Variants in RABGAP1L observed in about 807,000 individuals in gnomAD.
The protein encoded by RABGAP1L is RAB GTPase activating protein 1 like.
In RABGAP1L, 63 loss-of-function variants were observed where a neutral mutation model predicts 137.7. That is an observed-to-expected ratio of 0.46 (90% CI 0.37 to 0.56). The LOEUF is 0.56. Among genes scored for constraint, RABGAP1L ranks in the 20% least tolerant of loss-of-function variants. The pLI, the probability that RABGAP1L is intolerant of heterozygous loss-of-function variation, is 0.00. For synonymous variants in RABGAP1L, 431 were observed against 433.7 expected (o/e 0.99, Z 0.08); for missense variants, 1,095 against 1,244.0 (o/e 0.88, Z 1.80).
chr1:174,552,175 T>G (rs1666590399), intron 13 of RABGAP1L, among the ~76,000 whole-genome samples: 1 of 152,204 alleles, frequency 6.6e-6, no homozygotes, highest in African/African-American at 2.4e-5. Context: ...GATAAATGAT[T>G]TTTTAATTTA....
At chr1:174,200,793 A>T (rs546374552) in intron 1 of RABGAP1L, among the ~76,000 whole-genome samples, 1 of 152,330 alleles carries the variant, frequency 6.6e-6, no homozygotes, top group Non-Finnish European at 1.5e-5. Flanking sequence ...AATTTTAGCT[A>T]TGTTCTCTTG....
intron 13 of RABGAP1L, among the ~76,000 whole-genome samples, chr1:174,568,221 G>C (rs1207612292): frequency 2.0e-5 from 3 of 152,090 alleles, no homozygotes; most frequent in African/African-American, 7.2e-5. Flanking sequence ...TGTGAACCTA[G>C]ATGAGTGAGA....
At chr1:174,350,236 C>T (rs1480594443) in intron 11 of RABGAP1L, among the ~76,000 whole-genome samples, 31 of 129,696 alleles carry the variant, frequency 2.4e-4, no homozygotes, top group African/African-American at 8.1e-4. Context: ...CGGGCGGAGA[C>T]GCTCCTCACT....
intron 19 of RABGAP1L, chr1:174,938,609 G>T (rs1042086846): frequency 6.6e-6 from 1 of 152,160 alleles, no homozygotes; most frequent in Non-Finnish European, 1.5e-5. Flanking sequence ...TTTTCCTTGC[G>T]CTAGTTATAT....
chr1:174,759,721 A>T (rs1010147045), intron 18 of RABGAP1L, among the ~76,000 whole-genome samples: 3 of 152,200 alleles, frequency 2.0e-5, no homozygotes, highest in Non-Finnish European at 4.4e-5. Flanking sequence ...GGCAGAAAGC[A>T]AGGGGAGCTG....
chr1:174,725,164 A>G (rs754504381), intron 17 of RABGAP1L, among the ~76,000 whole-genome samples: 4 of 152,214 alleles, frequency 2.6e-5, no homozygotes, highest in Non-Finnish European at 4.4e-5. Flanking sequence ...AATGCATTGA[A>G]GGGGATAAGG....
chr1:174,256,261 G>A (rs1336117555), intron 7 of RABGAP1L, among the ~76,000 whole-genome samples: 1 of 151,922 alleles, frequency 6.6e-6, no homozygotes, highest in Admixed American at 6.6e-5. Context: ...TTTTGGCTTT[G>A]TTTAATATTT....
At chr1:174,565,814 A>G (rs2148032464) in intron 13 of RABGAP1L, among the ~76,000 whole-genome samples, 1 of 151,958 alleles carries the variant, frequency 6.6e-6, no homozygotes, top group South Asian at 2.1e-4. Flanking sequence ...ATTAGGTTAA[A>G]TTTCTTTACA....
intron 19 of RABGAP1L, among the ~76,000 whole-genome samples, chr1:174,923,078 A>T (rs1662088520): frequency 6.6e-6 from 1 of 151,210 alleles, no homozygotes; most frequent in East Asian, 1.9e-4. Flanking sequence ...GGTCAAGGAG[A>T]TTGAGGCTGC....
chr1:174,707,725 T>C (rs953813751), intron 17 of RABGAP1L, among the ~76,000 whole-genome samples: 3 of 152,220 alleles, frequency 2.0e-5, no homozygotes, highest in Non-Finnish European at 4.4e-5. Context: ...CATCCATCTG[T>C]ATAGCCCATT....
intron 12 of RABGAP1L, among the ~76,000 whole-genome samples, chr1:174,393,435 A>C (rs1402838291): frequency 6.6e-6 from 1 of 152,168 alleles, no homozygotes; most frequent in Non-Finnish European, 1.5e-5. Context: ...GGGAGTCAGG[A>C]TGTGGCCGCC....
At chr1:174,370,463 CTTTTTTTTTTT>C (rs1183875194) in intron 11 of RABGAP1L, among the ~76,000 whole-genome samples, 14 of 37,872 alleles carry the variant, frequency 3.7e-4, no homozygotes, top group Admixed American at 1.5e-3. Flanking sequence ...TTAAAAATAC[CTTTTTTTTTTT>C]TTTTTTTTTT....
chr1:174,441,089 A>G (rs1026025705), intron 13 of RABGAP1L, among the ~76,000 whole-genome samples: 5 of 150,458 alleles, frequency 3.3e-5, no homozygotes, highest in African/African-American at 1.2e-4. Flanking sequence ...CATATCCAAT[A>G]TATAAATAAA....
At chr1:174,343,697 T>C (rs1682184512) in intron 11 of RABGAP1L, among the ~76,000 whole-genome samples, 1 of 152,156 alleles carries the variant, frequency 6.6e-6, no homozygotes, top group South Asian at 2.1e-4. Flanking sequence ...TGCATATTAG[T>C]CTAAAAGAAA....
At chr1:174,700,513 A>G (rs1679566464) in intron 16 of RABGAP1L, 1 of 152,552 alleles carries the variant, frequency 6.6e-6, no homozygotes, top group Non-Finnish European at 1.5e-5. Flanking sequence ...GGGGATCCGT[A>G]GGTGTCTAAA....
At chr1:174,660,686 C>A (rs1426074524) in intron 14 of RABGAP1L, among the ~76,000 whole-genome samples, 1 of 152,224 alleles carries the variant, frequency 6.6e-6, no homozygotes, top group Admixed American at 6.5e-5. Context: ...GCTCACACTT[C>A]AGAGCCCTTG....
intron 13 of RABGAP1L, among the ~76,000 whole-genome samples, chr1:174,540,406 C>T (rs534737563): frequency 6.6e-6 from 1 of 152,244 alleles, no homozygotes; most frequent in African/African-American, 2.4e-5. Context: ...AGGTTTTCCC[C>T]TAGGGTTTTT....
chr1:174,244,074 T>G (rs184739986), intron 5 of RABGAP1L, among the ~76,000 whole-genome samples: 1 of 152,358 alleles, frequency 6.6e-6, no homozygotes. Flanking sequence ...ATGGTTGTAA[T>G]TAATCTGAAG....
chr1:174,235,121 TC>T (rs1671053846), intron 4 of RABGAP1L, among the ~76,000 whole-genome samples: 1 of 143,566 alleles, frequency 7.0e-6, no homozygotes, highest in South Asian at 2.3e-4. Flanking sequence ...TGATTTTGTA[TC>T]CTGAGACTTT....
Sources: gnomAD v4.1 joint callset for allele counts (sites outside exome capture counted in the v4.1 genomes callset) on GRCh38, gnomAD v4.1.1 for gene constraint, MANE v1.5 for transcripts, NCBI Gene and HGNC (gene_info 2026-07-23, HGNC 2026-07-21) for gene names.